The following TSPEAR variants were observed in gnomAD, a reference collection of about 807,000 sequenced individuals.
TSPEAR encodes the protein thrombospondin type laminin G domain and EAR repeats.
TSPEAR carries 69 observed loss-of-function variants against 71.6 expected under a neutral mutation model. That is an observed-to-expected ratio of 0.96 (90% CI 0.79 to 1.18). TSPEAR has a LOEUF of 1.18. Among genes scored for constraint, TSPEAR ranks in the 50% most tolerant of loss-of-function variants. The probability of loss-of-function intolerance (pLI) is 0.00; values close to 1 mark genes in which losing one functional copy is unlikely to be tolerated. For missense variants in TSPEAR, 971 were observed against 894.9 expected (o/e 1.09, Z -1.09); for synonymous variants, 402 against 387.2 (o/e 1.04, Z -0.45).
intron 4 of TSPEAR, 113 bp downstream of exon 4, chr21:44,530,930 C>T: frequency 1.1e-6 from 1 of 872,406 alleles, no homozygotes. Flanking sequence ...GCTGTACCTT[C>T]TTTTCCCAGT....
intron 1 of TSPEAR, among the ~76,000 whole-genome samples, chr21:44,600,022 C>T (rs1182166059): frequency 6.6e-6 from 1 of 152,214 alleles, no homozygotes; most frequent in Non-Finnish European, 1.5e-5. Flanking sequence ...TACTGTGAAC[C>T]TGACGGGAAA....
In TSPEAR at chr21:44,533,753, G is replaced by C; in HGVS notation, c.474C>G (p.His158Gln). 6.2e-7 allele frequency: 1 copy of C among 1,612,450 alleles called. No individual in the cohort carries two copies. The highest frequency in any genetic ancestry group is 8.5e-7 in the Non-Finnish European group (1 of 1,179,868). The change falls in exon 3 of 12, where the codon CAC becomes CAG. Residue 158 changes from histidine (H) to glutamine (Q), a missense_variant. Coordinates refer to ENST00000323084, the MANE Select transcript of TSPEAR (RefSeq NM_144991.3). ...CTGCGGACACAGCCAGGACCAGTGT[G>C]TGCCAGCGGCCATCCACCAGGGCCG... ...RSPALVDGRW[H>Q]TLVLAVSAGV...
chr21:44,516,871 T>TCC (rs2052589301), intron 9 of TSPEAR, among the ~76,000 whole-genome samples: 1 of 152,076 alleles, frequency 6.6e-6, no homozygotes, highest in African/African-American at 2.4e-5. Flanking sequence ...GGCCCTCCCC[T>TCC]CCTTCCTTCC....
chr21:44,522,069 C>A lies in TSPEAR; in HGVS notation c.1380G>T (p.Pro460=), dbSNP rs782638430. The change falls in exon 9 of 12, where the codon CCG becomes CCT. Residue 460 remains proline, a synonymous_variant. Transcript: ENST00000323084. ...NIDSVIYKWN[P]ATRLFEANQT... is the part of the protein sequence containing the mutation. The stretch of plus-strand genomic sequence containing the variant: ...GGTTGGCCTCGAAGAGCCGGGTTGC[C>A]GGGTTCCACTTGTAGATGACACTGT... The A allele has an allele frequency of 6.2e-7, 1 of 1,614,092 alleles. No individual in the cohort carries two copies. Among genetic ancestry groups the A allele is most frequent in the Non-Finnish European group, 8.5e-7 (1 of 1,180,008 alleles).
intron 1 of TSPEAR, chr21:44,574,343 C>A: frequency 6.2e-7 from 1 of 1,609,906 alleles, no homozygotes; most frequent in Non-Finnish European, 8.5e-7. Flanking sequence ...AGCCCAGCCC[C>A]TGCCAATCAG....
chr21:44,643,223 CAG>C (rs149121340), intron 1 of TSPEAR, among the ~76,000 whole-genome samples: 204 of 152,244 alleles, frequency 1.3e-3, no homozygotes, highest in African/African-American at 4.6e-3. Flanking sequence ...TTCACCAAAG[CAG>C]AGAGTAGAAT....
chr21:44,558,772 A>T, intron 2 of TSPEAR: 1 of 1,546,136 alleles, frequency 6.5e-7, no homozygotes, highest in Non-Finnish European at 8.7e-7. Context: ...TGTGGGAGTG[A>T]GTGAGGGAGT....
At chr21:44,694,096 C>T (rs117664575) in intron 1 of TSPEAR, among the ~76,000 whole-genome samples, 87 of 152,278 alleles carry the variant, frequency 5.7e-4, no homozygotes, top group Admixed American at 1.0e-3. Flanking sequence ...CATGGTCAAC[C>T]GATTTTCAAC....
In TSPEAR at chr21:44,506,059, G is replaced by A. The variant is rs1329566085; in HGVS notation, c.1755-1178C>T. Among the ~76,000 whole-genome samples, 3 of 152,184 alleles carry A rather than the reference G, an allele frequency of 2.0e-5. No homozygotes were observed. The East Asian group carries it at 5.8e-4, about 29-fold the overall frequency. ...GTCTTCAGCTGTGAGGTCAGCGGCC[G>A]TGAGGTCACTCCAGGAGGTGCCTAC... On this transcript the variant is annotated intron_variant, in intron 10 of 11. Transcript: ENST00000323084. This position sits in a 1 kb window ranked among gnomAD's most constrained non-coding sequence, Gnocchi z 4.2.
rs369254502 is a variant in TSPEAR, at chr21:44,618,065, AAAAC to A, written c.83-50064_83-50061del. Among the ~76,000 whole-genome samples, 590 of 152,364 alleles carry A rather than the reference AAAAC, an allele frequency of 3.9e-3. 3 individuals carry two copies. The highest frequency in any genetic ancestry group is 0.014 in the African/African-American group (564 of 41,586). On this transcript the variant is annotated intron_variant, in intron 1 of 11. Transcript: ENST00000323084. Reference sequence around the variant, plus strand: ...CCTCCACAGAACATCAGAAACTGGCAAAACAAACAGATATGGTTGGACTTTTTGT... The same window carrying A: ...CCTCCACAGAACATCAGAAACTGGCAAAACAGATATGGTTGGACTTTTTGT...
At chr21:44,613,253 A>G (rs1221784106) in intron 1 of TSPEAR, among the ~76,000 whole-genome samples, 1 of 152,152 alleles carries the variant, frequency 6.6e-6, no homozygotes, top group Non-Finnish European at 1.5e-5. Flanking sequence ...TTGAGCTGAC[A>G]TTGGTCTCCT....
At chr21:44,511,695 G>A (rs2052384556) in intron 9 of TSPEAR, among the ~76,000 whole-genome samples, 2 of 152,276 alleles carry the variant, frequency 1.3e-5, no homozygotes, top group South Asian at 4.1e-4. Context: ...CGTCCTTCCA[G>A]TGGAGCCCCT....
chr21:44,612,998 C>A lies in TSPEAR; in HGVS notation c.83-44993G>T. 6.9e-7 allele frequency: 1 copy of A among 1,445,666 alleles called. No individual in the cohort carries two copies. Among genetic ancestry groups the A allele is most frequent in the Non-Finnish European group, 9.4e-7 (1 of 1,064,088 alleles). 89.6% of individuals were successfully genotyped at this position (1,445,666 alleles called of 1,614,324 possible). ...TACCTGGGATGGGGTCTCCATGTCT[C>A]CCCTGTGCTGAGGTGACCTCTCCCT... On this transcript the variant is annotated intron_variant, in intron 1 of 11. Transcript: ENST00000323084. This position sits in a 1 kb window ranked among gnomAD's most constrained non-coding sequence, Gnocchi z 4.1.
intron 2 of TSPEAR, among the ~76,000 whole-genome samples, chr21:44,542,997 A>G (rs2053247465): frequency 6.6e-6 from 1 of 152,310 alleles, no homozygotes; most frequent in South Asian, 2.1e-4. Context: ...TGATATATTT[A>G]CTGTCTGAAA....
At chr21:44,544,269 G>A (rs1228123934) in intron 2 of TSPEAR, among the ~76,000 whole-genome samples, 1 of 151,394 alleles carries the variant, frequency 6.6e-6, no homozygotes, top group Non-Finnish European at 1.5e-5. Flanking sequence ...CTGTAGATGT[G>A]ATATTATGGC....
chr21:44,528,254 G>A lies in TSPEAR; in HGVS notation c.922+198C>T, dbSNP rs587655397. 4.6e-5 allele frequency among the ~76,000 whole-genome samples: 7 copies of A among 152,296 alleles called. No individual in the cohort carries two copies. In the East Asian group the frequency reaches 1.4e-3, roughly 30 times the overall value. ...TGGCTGAGTCCTGTGGCTCTAGGGA[G>A]GGCAGTGTCCTGCCCGCTGCTTGCT... is the stretch of plus-strand genomic sequence containing the variant. On this transcript the variant is annotated intron_variant, in intron 6 of 11. Coordinates refer to ENST00000323084, the MANE Select transcript of TSPEAR (RefSeq NM_144991.3).
chr21:44,700,100 C>T (rs1987580210), intron 1 of TSPEAR, among the ~76,000 whole-genome samples: 1 of 152,216 alleles, frequency 6.6e-6, no homozygotes, highest in African/African-American at 2.4e-5. Context: ...TTTGAGAGTG[C>T]CCCATGACAA....
rs7510350 is a variant in TSPEAR at position 44,579,886 on chromosome 21, G to A, written c.83-11881C>T. On this transcript the variant is annotated intron_variant, in intron 1 of 11. Coordinates refer to ENST00000323084, the MANE Select transcript of TSPEAR (RefSeq NM_144991.3). Reference sequence around the variant, plus strand: ...AGGAGGAGATGGGCAGGCAGCAGGCGGGCCTGCATATGGGGCGGCAGAGGA... The same window carrying A: ...AGGAGGAGATGGGCAGGCAGCAGGCAGGCCTGCATATGGGGCGGCAGAGGA... 12,671 of 1,599,624 alleles carry A rather than the reference G, an allele frequency of 7.9e-3. 470 individuals carry two copies. In the African/African-American group the frequency reaches 0.1, roughly 13 times the overall value.
At chr21:44,551,920 G>A (rs1161633400) in intron 2 of TSPEAR, among the ~76,000 whole-genome samples, 1 of 152,180 alleles carries the variant, frequency 6.6e-6, no homozygotes, top group African/African-American at 2.4e-5. Context: ...GAGCCAGGAT[G>A]GAGGTGCCTG....
Sources: allele counts gnomAD v4.1 joint callset (sites outside exome capture counted in the v4.1 genomes callset), GRCh38; gene constraint gnomAD v4.1.1; non-coding constraint Gnocchi (gnomAD v3.1); transcripts MANE v1.5; gene names NCBI Gene and HGNC (gene_info 2026-07-23, HGNC 2026-07-21).